RGS7: variants seen among roughly 807,000 people sequenced by gnomAD.
The protein encoded by RGS7 is regulator of G-protein signaling 7.
Under a neutral mutation model 81.1 loss-of-function variants are expected in RGS7, and 27 were observed. That is an observed-to-expected ratio of 0.33 (90% CI 0.25 to 0.46). The LOEUF is 0.46. Ranked by LOEUF, RGS7 falls within the 20% of genes least tolerant of loss-of-function variation. The probability of loss-of-function intolerance (pLI) is 1.00; values close to 1 mark genes in which losing one functional copy is unlikely to be tolerated. For missense variants in RGS7, 396 were observed against 607.4 expected (o/e 0.65, Z 3.66); for synonymous variants, 208 against 207.7 (o/e 1.00, Z -0.01).
At chr1:241,181,266 T>G (rs2071591521) in intron 2 of RGS7, among the ~76,000 whole-genome samples, 1 of 152,228 alleles carries the variant, frequency 6.6e-6, no homozygotes, top group Non-Finnish European at 1.5e-5. Flanking sequence ...ACCTCTCTGG[T>G]GGAGTATGTT....
At chr1:241,263,270 C>T (rs1378564833) in intron 2 of RGS7, among the ~76,000 whole-genome samples, 2 of 151,928 alleles carry the variant, frequency 1.3e-5, no homozygotes, top group African/African-American at 2.4e-5. Flanking sequence ...GAGCCAGACT[C>T]CATCTCAAAA....
intron 3 of RGS7, among the ~76,000 whole-genome samples, chr1:241,089,063 C>CTCTCTCTCTCTA (rs1374552672): frequency 3.0e-4 from 7 of 23,682 alleles, no homozygotes; most frequent in Non-Finnish European, 4.5e-4. Context: ...CTCTCTCTCT[C>CTCTCTCTCTCTA]TATATATATA....
At chr1:240,844,599 T>A (rs1036040943) in intron 9 of RGS7, among the ~76,000 whole-genome samples, 1 of 152,168 alleles carries the variant, frequency 6.6e-6, no homozygotes. Context: ...AATAGGACAC[T>A]GTATCTACAA....
chr1:241,050,437 C>G (rs2061187566), intron 3 of RGS7, among the ~76,000 whole-genome samples: 1 of 152,156 alleles, frequency 6.6e-6, no homozygotes, highest in Non-Finnish European at 1.5e-5. Context: ...TATGTTCCAT[C>G]ATGGGACACT....
chr1:241,326,474 TTG>T (rs2081502274), intron 2 of RGS7, among the ~76,000 whole-genome samples: 1 of 152,156 alleles, frequency 6.6e-6, no homozygotes, highest in Admixed American at 6.5e-5. Flanking sequence ...CATTACCAAA[TTG>T]TGTGTCTATT....
intron 2 of RGS7, among the ~76,000 whole-genome samples, chr1:241,261,958 GC>G (rs2148288054): frequency 6.6e-6 from 1 of 151,636 alleles, no homozygotes; most frequent in South Asian, 2.1e-4. Flanking sequence ...TTTGTGAGTG[GC>G]CCAGGAAAAA....
Position 240,936,642 on chromosome 1 carries a change from A to G in RGS7, c.291T>C (p.His97=), listed in dbSNP as rs1244151429. 2 of 1,614,148 alleles carry G rather than the reference A, an allele frequency of 1.2e-6. No individual in the cohort carries two copies. The highest frequency in any genetic ancestry group is 2.2e-5 in the East Asian group (1 of 44,866). Residue 97 remains histidine (H), a synonymous_variant, in exon 5 of 19, where the codon CAT becomes CAC. Transcript: ENST00000440928. ...TGCCATCATCCTTGAGTGTGAGGAC[A>G]TGATCTGAGATTGGAAAGAAGTAGC... ...AHGYFFPISD[H]VLTLKDDGTF... is the part of the protein sequence containing the mutation.
chr1:240,775,404 T>C (rs764451578), downstream of RGS7: 1 of 152,244 alleles, frequency 6.6e-6, no homozygotes, highest in Non-Finnish European at 1.5e-5. Flanking sequence ...CTTGAAACCT[T>C]GAAATAAATT....
At chr1:241,142,255 G>A (rs1396231603) in intron 2 of RGS7, among the ~76,000 whole-genome samples, 1 of 152,204 alleles carries the variant, frequency 6.6e-6, no homozygotes, top group Non-Finnish European at 1.5e-5. Context: ...CTACCATTCT[G>A]AGGTCTGAAG....
chr1:240,793,611 A>ATATATATATATATATTTTTTTT, intron 18 of RGS7, among the ~76,000 whole-genome samples: 5 of 78,806 alleles, frequency 6.3e-5, no homozygotes, highest in South Asian at 4.2e-4. Context: ...ATATATATAT[A>ATATATATATATATATTTTTTTT]TTTTTTTTTT....
chr1:241,267,357 T>C (rs370302408), intron 2 of RGS7, among the ~76,000 whole-genome samples: 16 of 152,346 alleles, frequency 1.1e-4, no homozygotes, highest in Middle Eastern at 3.4e-3. Context: ...TCCGTTGCCT[T>C]CTAGGGTACC....
chr1:240,863,745 A>G (rs893488386), intron 9 of RGS7, among the ~76,000 whole-genome samples: 1 of 152,146 alleles, frequency 6.6e-6, no homozygotes, highest in Non-Finnish European at 1.5e-5. Flanking sequence ...CAGCAAAAGG[A>G]TATGTGAAAA....
At chr1:241,301,500 T>C (rs1327596200) in intron 2 of RGS7, among the ~76,000 whole-genome samples, 2 of 152,204 alleles carry the variant, frequency 1.3e-5, no homozygotes, top group African/African-American at 2.4e-5. Context: ...TTAAGGGTTA[T>C]GGAGGTCAAG....
At chr1:241,262,624 C>T (rs1364081734) in intron 2 of RGS7, among the ~76,000 whole-genome samples, 2 of 152,092 alleles carry the variant, frequency 1.3e-5, no homozygotes, top group Non-Finnish European at 2.9e-5. Context: ...TACTATTGTT[C>T]GTAGCAACAT....
intron 2 of RGS7, among the ~76,000 whole-genome samples, chr1:241,317,070 T>C (rs1245037296): frequency 1.3e-5 from 2 of 152,224 alleles, no homozygotes; most frequent in African/African-American, 4.8e-5. Context: ...GTTTGCTGAT[T>C]TCCCTGGGGT....
chr1:241,138,986 T>G (rs1321684946), intron 2 of RGS7, among the ~76,000 whole-genome samples: 1 of 152,154 alleles, frequency 6.6e-6, no homozygotes, highest in African/African-American at 2.4e-5. Flanking sequence ...TTATAAAAAA[T>G]TTAAAATGTC....
chr1:241,131,941 G>C (rs2067129226), intron 2 of RGS7, among the ~76,000 whole-genome samples: 1 of 152,162 alleles, frequency 6.6e-6, no homozygotes, highest in Non-Finnish European at 1.5e-5. Context: ...CCGTTAAGAA[G>C]AGATGATGCT....
chr1:241,305,335 T>A (rs560147870), intron 2 of RGS7, among the ~76,000 whole-genome samples: 3 of 152,198 alleles, frequency 2.0e-5, no homozygotes, highest in Non-Finnish European at 4.4e-5. Context: ...TGGAGTTTAA[T>A]GTCGTCGGTC....
chr1:241,028,798 G>C (rs2059920124), intron 3 of RGS7, among the ~76,000 whole-genome samples: 1 of 152,094 alleles, frequency 6.6e-6, no homozygotes, highest in Admixed American at 6.5e-5. Flanking sequence ...CACCATCTGG[G>C]TAGTGAGGCA....
Sources: allele counts gnomAD v4.1 joint callset (sites outside exome capture counted in the v4.1 genomes callset), GRCh38; gene constraint gnomAD v4.1.1; transcripts MANE v1.5; gene names NCBI Gene and HGNC (gene_info 2026-07-23, HGNC 2026-07-21).